The following SCN8A variants were observed in gnomAD, a reference collection of about 807,000 sequenced individuals.
SCN8A encodes the protein sodium channel protein type 8 subunit alpha.
A neutral mutation model predicts 184.1 loss-of-function variants in SCN8A; 30 were observed. The ratio of observed to expected loss-of-function variants is 0.16; its 90% CI spans 0.12 to 0.22. The LOEUF (loss-of-function observed/expected upper bound fraction) is 0.22, where lower values mean the gene tolerates loss of function less well. SCN8A is among the 10% of genes least tolerant of loss of function. The pLI is 1.00. For missense variants in SCN8A, 1,057 were observed against 2,498.9 expected, an observed-to-expected ratio of 0.42 and a Z score of 12.30; for synonymous variants, 852 against 907.0, an observed-to-expected ratio of 0.94 and a Z score of 1.09.
At chr12:51,633,482 T>A (rs1940245392) in intron 1 of SCN8A, among the ~76,000 whole-genome samples, 1 of 152,236 alleles carries the variant, frequency 6.6e-6, no homozygotes, top group African/African-American at 2.4e-5. Context: ...GAGGTTTGCT[T>A]TCACCAGTTA....
chr12:51,658,831 A>T (rs1940873451), intron 1 of SCN8A, among the ~76,000 whole-genome samples: 1 of 152,128 alleles, frequency 6.6e-6, no homozygotes. Flanking sequence ...AAAATACGAG[A>T]TGCTGCTATA....
chr12:51,780,711 C>T lies in SCN8A; in HGVS notation c.3882C>T (p.Ser1294=), dbSNP rs1191623326. ...ACTCGGAACTAGGTGCCATAAAGTCCCTTAGGACCCTAAGAGCTTTGAGAC... is the reference window on the plus strand; with the variant it reads ...ACTCGGAACTAGGTGCCATAAAGTCTCTTAGGACCCTAAGAGCTTTGAGAC... ...LGYSELGAIK[S]LRTLRALRPL... The change falls in exon 21 of 27, where the codon TCC becomes TCT. Residue 1294 remains serine, a synonymous_variant. Coordinates refer to ENST00000627620, the MANE Select transcript of SCN8A (RefSeq NM_001330260.2). 4 of 1,603,728 alleles carry T rather than the reference C, an allele frequency of 2.5e-6. No homozygotes were observed. Among genetic ancestry groups the T allele is most frequent in the Non-Finnish European group, 3.4e-6 (4 of 1,176,168 alleles).
intron 12 of SCN8A, among the ~76,000 whole-genome samples, chr12:51,729,779 C>T (rs560350255): frequency 2.6e-5 from 4 of 152,150 alleles, no homozygotes; most frequent in Admixed American, 1.3e-4. Flanking sequence ...TTTTTTATCC[C>T]ACCAACAATG....
chr12:51,597,226 C>T (rs993609428), intron 1 of SCN8A, among the ~76,000 whole-genome samples: 8 of 152,056 alleles, frequency 5.3e-5, no homozygotes, highest in South Asian at 2.1e-4. Flanking sequence ...CTAAAATAGG[C>T]GATGGAGAGA....
intron 20 of SCN8A, among the ~76,000 whole-genome samples, chr12:51,777,770 G>T (rs1937752932): frequency 6.6e-6 from 1 of 152,066 alleles, no homozygotes. Flanking sequence ...TGAAGAGCTG[G>T]GATCTTCTTA....
intron 12 of SCN8A, among the ~76,000 whole-genome samples, chr12:51,730,556 A>T (rs764312068): frequency 4.7e-4 from 71 of 152,280 alleles, no homozygotes; most frequent in Non-Finnish European, 8.8e-4. Context: ...AGAAAATTTT[A>T]TTTAATTTCA....
At chr12:51,709,266 C>T (rs969111747) in intron 11 of SCN8A, among the ~76,000 whole-genome samples, 2 of 152,142 alleles carry the variant, frequency 1.3e-5, no homozygotes, top group South Asian at 2.1e-4. Flanking sequence ...CAAATGATAG[C>T]TCAGGGAAGA....
At chr12:51,713,744 G>A in intron 11 of SCN8A, 1 of 313,110 alleles carries the variant, frequency 3.2e-6, no homozygotes, top group Non-Finnish European at 5.7e-6. Context: ...CTCTATTGCA[G>A]CAGTTTTCAA....
intron 1 of SCN8A, among the ~76,000 whole-genome samples, chr12:51,643,980 T>C (rs1940509477): frequency 6.6e-6 from 1 of 152,242 alleles, no homozygotes; most frequent in African/African-American, 2.4e-5. Context: ...AACTGAATAG[T>C]GCTGGACCTT....
intron 11 of SCN8A, among the ~76,000 whole-genome samples, chr12:51,716,105 G>A (rs1355343674): frequency 2.6e-5 from 4 of 152,180 alleles, no homozygotes; most frequent in Non-Finnish European, 4.4e-5. Flanking sequence ...AGGCCAAGGC[G>A]GGAGGATTGC....
In SCN8A at chr12:51,810,940, A is replaced by AT. The variant is rs1938874441; in HGVS notation, c.*3517dup. 6.6e-6 allele frequency: 1 copy of AT among 152,256 alleles called. No homozygotes were observed. The highest frequency in any genetic ancestry group is 2.4e-5 in the African/African-American group (1 of 41,530). 9.4% of individuals were successfully genotyped at this position (152,256 alleles called of 1,614,324 possible). A position where few individuals can be genotyped will look rare whatever the true frequency, so the allele number is the denominator to read the frequency against. On this transcript the variant is annotated 3_prime_UTR_variant, in exon 27 of 27. Coordinates refer to ENST00000627620, the MANE Select transcript of SCN8A (RefSeq NM_001330260.2). ...AAGCGACAGTGCCCAGAGTTCTTTT[A>AT]TTTTTTGCTGCAACCAACGTAAACC...
chr12:51,628,265 C>T (rs1222769353), intron 1 of SCN8A, among the ~76,000 whole-genome samples: 2 of 152,166 alleles, frequency 1.3e-5, no homozygotes, highest in African/African-American at 2.4e-5. Flanking sequence ...GACTAGTTTA[C>T]ATTTAGCATA....
At chr12:51,734,943 A>T (rs1481671987) in intron 12 of SCN8A, among the ~76,000 whole-genome samples, 1 of 152,250 alleles carries the variant, frequency 6.6e-6, no homozygotes, top group East Asian at 1.9e-4. Flanking sequence ...AGTTCCTGGC[A>T]TTAAGGTCAG....
At chr12:51,801,884 G>A (rs914206507) in intron 26 of SCN8A, among the ~76,000 whole-genome samples, 7 of 152,000 alleles carry the variant, frequency 4.6e-5, no homozygotes, top group East Asian at 1.9e-4. Context: ...GTGAAACCCC[G>A]TCTCTACTAA....
chr12:51,765,664 T>TC lies in SCN8A; in HGVS notation c.2545-5dup, dbSNP rs1942827109. 6 of 1,511,088 alleles carry TC rather than the reference T, an allele frequency of 4.0e-6. No homozygotes were observed. Among genetic ancestry groups the TC allele is most frequent in the African/African-American group, 1.4e-5 (1 of 71,126 alleles). 93.6% of individuals were successfully genotyped at this position (1,511,088 alleles called of 1,614,324 possible). The stretch of plus-strand genomic sequence containing the variant: ...TATTTTTTTGTTTGGGTTTTTTTTT[T>TC]CCTTAGCTCCGAGTCTTCAAATTGG... On this transcript the variant is annotated splice_region_variant and splice_polypyrimidine_tract_variant and intron_variant, in intron 15 of 26. Transcript: ENST00000627620.
chr12:51,765,709 G>A lies in SCN8A; in HGVS notation c.2583G>A (p.Leu861=), dbSNP rs748835123. 6.2e-7 allele frequency: 1 copy of A among 1,608,828 alleles called. No homozygotes were observed. The highest frequency in any genetic ancestry group is 8.5e-7 in the Non-Finnish European group (1 of 1,177,298). ...VFKLAKSWPT[L]NMLIKIIGNS... is the part of the protein sequence containing the mutation. Reference sequence around the variant, plus strand: ...AATTGGCCAAATCCTGGCCCACCCTGAACATGCTAATCAAGATTATTGGAA... The same window carrying A: ...AATTGGCCAAATCCTGGCCCACCCTAAACATGCTAATCAAGATTATTGGAA... The change falls in exon 16 of 27, where the codon CTG becomes CTA. Residue 861 remains leucine, a synonymous_variant. Coordinates refer to ENST00000627620, the MANE Select transcript of SCN8A (RefSeq NM_001330260.2).
At chr12:51,632,831 T>C (rs1283499643) in intron 1 of SCN8A, among the ~76,000 whole-genome samples, 5 of 152,188 alleles carry the variant, frequency 3.3e-5, no homozygotes, top group Non-Finnish European at 7.3e-5. Flanking sequence ...CAAGGCACTT[T>C]GCAGCATGCT....
chr12:51,712,519 A>G, intron 11 of SCN8A: 1 of 773,846 alleles, frequency 1.3e-6, no homozygotes, highest in Admixed American at 1.7e-5. Flanking sequence ...AACCACCACC[A>G]TAGGGACTGC....
intron 4 of SCN8A, among the ~76,000 whole-genome samples, 174 bp downstream of exon 4, chr12:51,686,631 T>G (rs992753656): frequency 1.3e-5 from 2 of 152,154 alleles, no homozygotes; most frequent in Admixed American, 6.5e-5. Context: ...TCCCTAAAAG[T>G]CAACTCTAGA....
Sources: allele counts gnomAD v4.1 joint callset (sites outside exome capture counted in the v4.1 genomes callset), GRCh38; gene constraint gnomAD v4.1.1; transcripts MANE v1.5; gene names NCBI Gene and HGNC (gene_info 2026-07-23, HGNC 2026-07-21).